Variants in DLG2 observed in about 807,000 individuals in gnomAD.
DLG2 encodes the protein discs large MAGUK scaffold protein 2.
Under a neutral mutation model 132.5 loss-of-function variants are expected in DLG2, and 45 were observed. That is an observed-to-expected ratio of 0.34 (90% CI 0.27 to 0.44). The LOEUF (loss-of-function observed/expected upper bound fraction) is 0.44, where lower values mean the gene tolerates loss of function less well. Ranked by LOEUF, DLG2 falls within the 20% of genes least tolerant of loss-of-function variation. DLG2 has a pLI of 1.00. For synonymous variants in DLG2, 424 were observed against 419.6 expected (o/e 1.01, Z -0.13); for missense variants, 1,045 against 1,196.9 (o/e 0.87, Z 1.87).
At chr11:85,508,594 A>T (rs565682982) in intron 3 of DLG2, among the ~76,000 whole-genome samples, 1 of 152,154 alleles carries the variant, frequency 6.6e-6, no homozygotes, top group South Asian at 2.1e-4. Context: ...CAAGAATTTC[A>T]TCTATTTTGT....
intron 4 of DLG2, among the ~76,000 whole-genome samples, chr11:85,187,212 T>TTACATAA (rs1485041484): frequency 6.6e-6 from 1 of 151,962 alleles, no homozygotes; most frequent in Non-Finnish European, 1.5e-5. Flanking sequence ...TGCTAAGACT[T>TTACATAA]TACATAATAA....
At chr11:84,718,996 T>A (rs2061511003) in intron 6 of DLG2, among the ~76,000 whole-genome samples, 2 of 152,204 alleles carry the variant, frequency 1.3e-5, no homozygotes, top group African/African-American at 4.8e-5. Context: ...TATCATTCAA[T>A]GACTTCATGA....
At chr11:84,893,063 C>T (rs893852536) in intron 6 of DLG2, among the ~76,000 whole-genome samples, 4 of 152,184 alleles carry the variant, frequency 2.6e-5, no homozygotes, top group African/African-American at 4.8e-5. Flanking sequence ...AATTTTGACG[C>T]GTACTCTTCT....
chr11:85,412,725 TCACACACACACACACACACACACACA>T (rs542505541), intron 3 of DLG2, among the ~76,000 whole-genome samples: 1 of 92,276 alleles, frequency 1.1e-5, no homozygotes, highest in African/African-American at 4.0e-5. Flanking sequence ...GAGCAGTATT[TCACACACACACACACACACACACACA>T]CACACACACA....
intron 3 of DLG2, among the ~76,000 whole-genome samples, chr11:85,497,477 G>A (rs2153117590): frequency 6.6e-6 from 1 of 152,292 alleles, no homozygotes; most frequent in East Asian, 1.9e-4. Context: ...ATGACTGGGA[G>A]AATGGAACCA....
At chr11:84,651,795 A>G (rs2099682364) in intron 6 of DLG2, among the ~76,000 whole-genome samples, 1 of 152,226 alleles carries the variant, frequency 6.6e-6, no homozygotes, top group Non-Finnish European at 1.5e-5. Context: ...CTTTGCTTCC[A>G]TAACACCAGT....
At chr11:83,517,933 TG>T (rs1188557940) in intron 21 of DLG2, among the ~76,000 whole-genome samples, 2 of 152,182 alleles carry the variant, frequency 1.3e-5, no homozygotes, top group Admixed American at 6.5e-5. Context: ...CTGCCCTTAC[TG>T]GGGGGTGACT....
At chr11:84,858,173 G>A (rs1010853616) in intron 6 of DLG2, among the ~76,000 whole-genome samples, 11 of 151,972 alleles carry the variant, frequency 7.2e-5, no homozygotes, top group Admixed American at 2.6e-4. Context: ...GATTACAGGC[G>A]TGAGCCACCA....
intron 18 of DLG2, among the ~76,000 whole-genome samples, chr11:83,746,163 G>A (rs2092897364): frequency 6.6e-6 from 1 of 152,234 alleles, no homozygotes; most frequent in South Asian, 2.1e-4. Flanking sequence ...GTGGAAGACA[G>A]TGTGGCGATT....
At chr11:85,306,794 A>T (rs551747405) in intron 3 of DLG2, among the ~76,000 whole-genome samples, 1 of 152,128 alleles carries the variant, frequency 6.6e-6, no homozygotes, top group East Asian at 1.9e-4. Context: ...GGATGGTCTC[A>T]ATCTCCTGAC....
rs78388845 is a variant in DLG2 at position 84,857,418 on chromosome 11, G to A, written c.357+254243C>T. 2.2e-4 allele frequency among the ~76,000 whole-genome samples: 33 copies of A among 151,910 alleles called. No individual in the cohort carries two copies. The East Asian group carries it at 6.4e-3, about 30-fold the overall frequency. ...GTGAGTAATTTGAATATATGAAGAA[G>A]TAGTATTGATTTTTTTTTAATGAGC... On this transcript the variant is annotated intron_variant, in intron 6 of 27. Transcript: ENST00000376104.
At chr11:85,314,636 G>A (rs192278411) in intron 3 of DLG2, among the ~76,000 whole-genome samples, 1 of 151,834 alleles carries the variant, frequency 6.6e-6, no homozygotes, top group African/African-American at 2.4e-5. Flanking sequence ...TTATTTAGGA[G>A]GAGCAATAAG....
chr11:84,851,827 AATT>A (rs1385106158), intron 6 of DLG2, among the ~76,000 whole-genome samples: 1 of 151,822 alleles, frequency 6.6e-6, no homozygotes, highest in African/African-American at 2.4e-5. Flanking sequence ...TTTTTATTTA[AATT>A]ATATTCTATA....
intron 19 of DLG2, among the ~76,000 whole-genome samples, chr11:83,627,258 C>T (rs965523355): frequency 2.0e-5 from 3 of 151,192 alleles, no homozygotes; most frequent in Non-Finnish European, 4.4e-5. Context: ...GCACAACATG[C>T]AGGTTTGTTA....
intron 11 of DLG2, among the ~76,000 whole-genome samples, chr11:84,047,024 C>T (rs750569097): frequency 2.0e-5 from 3 of 151,530 alleles, no homozygotes; most frequent in Admixed American, 6.6e-5. Flanking sequence ...AAAAATTTAA[C>T]GGACATTGGT....
chr11:85,216,504 G>C (rs2082605026), intron 4 of DLG2, among the ~76,000 whole-genome samples: 1 of 152,090 alleles, frequency 6.6e-6, no homozygotes, highest in African/African-American at 2.4e-5. Context: ...GCAGTTATGG[G>C]AGATTCCTAG....
intron 6 of DLG2, among the ~76,000 whole-genome samples, chr11:84,740,650 A>C (rs2064489335): frequency 6.6e-6 from 1 of 152,074 alleles, no homozygotes; most frequent in Admixed American, 6.5e-5. Flanking sequence ...GTGGCTGAAC[A>C]CCACAACTCC....
chr11:84,070,406 T>C (rs1279683813), intron 10 of DLG2, among the ~76,000 whole-genome samples: 1 of 152,220 alleles, frequency 6.6e-6, no homozygotes, highest in South Asian at 2.1e-4. Flanking sequence ...GTCCATAATG[T>C]CCCAATTGCA....
intron 9 of DLG2, among the ~76,000 whole-genome samples, chr11:84,103,208 A>T (rs2092665773): frequency 6.6e-6 from 1 of 152,076 alleles, no homozygotes; most frequent in Non-Finnish European, 1.5e-5. Context: ...TTCCCTTTTA[A>T]GTCTTTGCTA....
Sources: gnomAD v4.1 joint callset for allele counts (sites outside exome capture counted in the v4.1 genomes callset) on GRCh38, gnomAD v4.1.1 for gene constraint, MANE v1.5 for transcripts, NCBI Gene and HGNC (gene_info 2026-07-23, HGNC 2026-07-21) for gene names.